Variants in ARHGEF17 observed in about 807,000 individuals in gnomAD.
ARHGEF17 encodes 164 kDa Rho-specific guanine-nucleotide exchange factor.
ARHGEF17 carries 80 observed loss-of-function variants against 174.0 expected under a neutral mutation model. The ratio of observed to expected loss-of-function variants is 0.46; its 90% CI spans 0.38 to 0.55. The LOEUF is 0.55. Among genes scored for constraint, ARHGEF17 ranks in the 20% least tolerant of loss-of-function variants. ARHGEF17 has a pLI of 0.00. For missense variants in ARHGEF17, 2,886 were observed against 2,839.7 expected, an observed-to-expected ratio of 1.02 and a Z score of -0.37; for synonymous variants, 1,311 against 1,189.1, an observed-to-expected ratio of 1.10 and a Z score of -2.11.
Position 73,309,264 on chromosome 11 carries a change from G to A in ARHGEF17, c.626G>A (p.Arg209His). 6.2e-7 allele frequency: 1 copy of A among 1,610,334 alleles called. No individual in the cohort carries two copies. Among genetic ancestry groups the A allele is most frequent in the Non-Finnish European group, 8.5e-7 (1 of 1,178,760 alleles). The change falls in exon 1 of 21, where the codon CGT becomes CAT. Residue 209 changes from arginine (R) to histidine (H), a missense_variant. Physicochemically the swap from Arg to His is conservative, Grantham distance 29 (BLOSUM62 0). Around this residue, in one of 4 missense-constraint regions of ARHGEF17, gnomAD observed 1,728 missense variants for 1,461.2 expected, o/e 1.18. Transcript: ENST00000263674. ...RPQQQQERAQRPADGLHSWHI... is the reference protein window; with the variant it reads ...RPQQQQERAQHPADGLHSWHI... ...CAGCAGCAACAGGAGCGGGCGCAGC[G>A]TCCAGCGGATGGTTTACATTCTTGG...
In ARHGEF17 at chr11:73,363,220, A is replaced by C; in HGVS notation, c.5011A>C (p.Ser1671Arg). The change falls in exon 15 of 21, where the codon AGT becomes CGT. Residue 1671 changes from serine (S) to arginine (R), a missense_variant. This residue lies in a region of ARHGEF17 where 476 missense variants were observed against 473.1 expected (regional missense o/e 1.01). Transcript: ENST00000263674. Reference protein sequence around the residue: ...SSSFGNEETPSSKEATAETTS... With the variant: ...SSSFGNEETPRSKEATAETTS... Reference sequence around the variant, plus strand: ...GTCTCCCTCAGATGAGGAGACCCCGAGTTCCAAGGAGGCCACGGCAGAGAC... The same window carrying C: ...GTCTCCCTCAGATGAGGAGACCCCGCGTTCCAAGGAGGCCACGGCAGAGAC... 6.4e-7 allele frequency: 1 copy of C among 1,572,190 alleles called. No individual in the cohort carries two copies. Among genetic ancestry groups the C allele is most frequent in the Non-Finnish European group, 8.6e-7 (1 of 1,156,438 alleles).
intron 1 of ARHGEF17, among the ~76,000 whole-genome samples, chr11:73,327,528 G>C (rs1865121450): frequency 6.6e-6 from 1 of 152,256 alleles, no homozygotes; most frequent in Non-Finnish European, 1.5e-5. Flanking sequence ...AGACCAGCCT[G>C]CCTGGTCCAC....
At chr11:73,322,401 C>T (rs982166547) in intron 1 of ARHGEF17, among the ~76,000 whole-genome samples, 5 of 152,216 alleles carry the variant, frequency 3.3e-5, no homozygotes, top group African/African-American at 1.2e-4. Context: ...CTTCCTCACC[C>T]CTGCATCATT....
At chr11:73,318,505 C>T (rs796246550) in intron 1 of ARHGEF17, among the ~76,000 whole-genome samples, 12 of 152,270 alleles carry the variant, frequency 7.9e-5, no homozygotes, top group African/African-American at 2.9e-4. Flanking sequence ...GTGGCACAGA[C>T]CTGTGGTCCC....
intron 13 of ARHGEF17, 79 bp downstream of exon 13, chr11:73,362,318 C>A (rs1865755872): frequency 2.8e-6 from 4 of 1,446,852 alleles, no homozygotes; most frequent in Non-Finnish European, 2.7e-6. Flanking sequence ...CTCAGGCCGC[C>A]CCGGCGTGGT....
chr11:73,321,248 G>C (rs1865012765), intron 1 of ARHGEF17, among the ~76,000 whole-genome samples: 1 of 148,706 alleles, frequency 6.7e-6, no homozygotes, highest in Non-Finnish European at 1.5e-5. Flanking sequence ...CATGCCCACT[G>C]TCCTTGCTCC....
intron 1 of ARHGEF17, among the ~76,000 whole-genome samples, chr11:73,322,865 A>C (rs999195970): frequency 1.3e-5 from 2 of 152,134 alleles, no homozygotes; most frequent in Non-Finnish European, 2.9e-5. Context: ...GGGTGCGGGA[A>C]CATGAGTAGC....
At chr11:73,356,511 T>C in intron 6 of ARHGEF17, 160 bp downstream of exon 6, 2 of 1,121,602 alleles carry the variant, frequency 1.8e-6, no homozygotes, top group South Asian at 1.5e-5. Context: ...TGGCCACACG[T>C]CTCCACCTGT....
chr11:73,311,861 G>A (rs1358278733), intron 1 of ARHGEF17, 31 bp downstream of exon 1: 1 of 1,562,096 alleles, frequency 6.4e-7, no homozygotes, highest in Non-Finnish European at 8.7e-7. Flanking sequence ...TTCAGATTGG[G>A]GCCAAAGAAG....
chr11:73,321,789 C>T lies in ARHGEF17; in HGVS notation c.3192+9959C>T, dbSNP rs79782057. The stretch of plus-strand genomic sequence containing the variant: ...TGAGATTGTGACTTCTTGGTTCTGA[C>T]ATCCTGTGATCCTGAGACTCTGGGG... On this transcript the variant is annotated intron_variant, in intron 1 of 20. Transcript: ENST00000263674. 8.5e-3 allele frequency among the ~76,000 whole-genome samples: 1,294 copies of T among 152,322 alleles called. 48 individuals are homozygous for T. The East Asian group carries it at 0.13, about 15-fold the overall frequency.
At chr11:73,332,350 C>CGTGTGTGTGTGTGTGTGTGTGTGT (rs58725771) in intron 1 of ARHGEF17, among the ~76,000 whole-genome samples, 1 of 120,658 alleles carries the variant, frequency 8.3e-6, no homozygotes, top group Non-Finnish European at 1.7e-5. Context: ...GCTTTTTCTC[C>CGTGTGTGTGTGTGTGTGTGTGTGT]GTGTGTGTGT....
In ARHGEF17 at chr11:73,335,737, C is replaced by T. The variant is rs377309926; in HGVS notation, c.3193-11146C>T. Among the ~76,000 whole-genome samples, 4 of 152,160 alleles carry T rather than the reference C, an allele frequency of 2.6e-5. No homozygotes were observed. In the East Asian group the frequency reaches 7.7e-4, roughly 29 times the overall value. The stretch of plus-strand genomic sequence containing the variant: ...CCTGAAATCAGGAAGGAAGGTCAAG[C>T]TGTCCATCCTCCACCTCTGAGCATG... On this transcript the variant is annotated intron_variant, in intron 1 of 20. Coordinates refer to ENST00000263674, the MANE Select transcript of ARHGEF17 (RefSeq NM_014786.4).
At position 73,309,812 on chromosome 11, in the gene ARHGEF17, C is replaced by G; in HGVS notation, c.1174C>G (p.Arg392Gly). The G allele has an allele frequency of 1.2e-6, 2 of 1,613,146 alleles. No homozygotes were observed. The highest frequency in any genetic ancestry group is 1.7e-6 in the Non-Finnish European group (2 of 1,180,008). ...ASPAGSRGSSRYSSTETLKDD... is the reference protein window; with the variant it reads ...ASPAGSRGSSGYSSTETLKDD... ...CCCCGCAGGCTCCCGCGGTAGCAGCCGTTATTCCAGCACGGAGACCCTCAA... is the reference window on the plus strand; with the variant it reads ...CCCCGCAGGCTCCCGCGGTAGCAGCGGTTATTCCAGCACGGAGACCCTCAA... The change falls in exon 1 of 21, where the codon CGT becomes GGT. Residue 392 changes from arginine (R) to glycine (G), a missense_variant. Physicochemically the swap from Arg to Gly is moderately radical, Grantham distance 125 (BLOSUM62 -2). Transcript: ENST00000263674.
intron 2 of ARHGEF17, among the ~76,000 whole-genome samples, chr11:73,351,336 A>G (rs1465882429): frequency 1.3e-5 from 2 of 148,964 alleles, no homozygotes; most frequent in African/African-American, 5.1e-5. Context: ...TGTTTTTTTT[A>G]GCCTGCAGTT....
Position 73,310,576 on chromosome 11 carries a change from AGGCATTGG to A in ARHGEF17, c.1943_1950del (p.Ile648ArgfsTer3). The A allele has an allele frequency of 6.2e-7, 1 of 1,614,110 alleles. No homozygotes were observed. Among genetic ancestry groups the A allele is most frequent in the Non-Finnish European group, 8.5e-7 (1 of 1,180,010 alleles). Reference sequence around the variant, plus strand: ...GCCCTGAGTCCAGTCTGACAGATGAAGGCATTGGGGCAGACCCTGAGCCTCCTGTTGCA... The same window carrying A: ...GCCCTGAGTCCAGTCTGACAGATGAAGGCAGACCCTGAGCCTCCTGTTGCA... On this transcript the variant is annotated frameshift_variant, in exon 1 of 21. Transcript: ENST00000263674. LOFTEE classifies it high-confidence loss of function.
In ARHGEF17 at chr11:73,308,769, G is replaced by A. The variant is rs774469941; in HGVS notation, c.131G>A (p.Cys44Tyr). The A allele has an allele frequency of 3.7e-3, 5,396 of 1,449,296 alleles. 17 individuals carry two copies. Among genetic ancestry groups the A allele is most frequent in the Middle Eastern group, 0.019 (84 of 4,444 alleles). The allele number at this position is 1,449,296 out of a possible 1,614,324, so 89.8% of individuals were successfully genotyped here. The change falls in exon 1 of 21, where the codon TGC (cysteine) becomes TAC (tyrosine). Residue 44 changes from cysteine to tyrosine, a missense_variant. Around this residue, in one of 4 missense-constraint regions of ARHGEF17, gnomAD observed 1,728 missense variants for 1,461.2 expected, o/e 1.18. Transcript: ENST00000263674. Reference sequence around the variant, plus strand: ...CCCGGCTTGAGGCGACGCGCCTCGTGCCGGCCGACCACGGCTGCCCGGGGC... The same window carrying A: ...CCCGGCTTGAGGCGACGCGCCTCGTACCGGCCGACCACGGCTGCCCGGGGC... The part of the protein sequence containing the change: ...DTPGLRRRAS[C>Y]RPTTAARGQP...
chr11:73,326,671 G>T (rs1295082761), intron 1 of ARHGEF17, among the ~76,000 whole-genome samples: 1 of 152,272 alleles, frequency 6.6e-6, no homozygotes, highest in African/African-American at 2.4e-5. Context: ...AGTGCACCGA[G>T]ATTGCACATT....
In ARHGEF17 at chr11:73,358,894, C is replaced by T. The variant is rs1371089298; in HGVS notation, c.4088-940C>T. On this transcript the variant is annotated intron_variant, in intron 9 of 20. Coordinates refer to ENST00000263674, the MANE Select transcript of ARHGEF17 (RefSeq NM_014786.4). Reference sequence around the variant, plus strand: ...GGCAGGAAACTCCACTGCCATCCACCGGGCACACACTCTTCTTCCCGTAGA... The same window carrying T: ...GGCAGGAAACTCCACTGCCATCCACTGGGCACACACTCTTCTTCCCGTAGA... 3.9e-5 allele frequency among the ~76,000 whole-genome samples: 6 copies of T among 152,166 alleles called. 1 individual carries two copies. Among genetic ancestry groups the T allele is most frequent in the Non-Finnish European group, 5.9e-5 (4 of 68,018 alleles).
intron 1 of ARHGEF17, among the ~76,000 whole-genome samples, chr11:73,321,268 C>CTCT (rs5792614): frequency 0.31 from 46,693 of 151,910 alleles, 9,418 homozygotes; most frequent in African/African-American, 0.58. Context: ...CACTCACCAG[C>CTCT]TCTTCTCCTT....
Sources: gnomAD v4.1 joint callset for allele counts (sites outside exome capture counted in the v4.1 genomes callset) on GRCh38, gnomAD v4.1.1 for gene constraint, gnomAD v4.1.1 regional missense constraint, MANE v1.5 for transcripts, NCBI Gene and HGNC (gene_info 2026-07-23, HGNC 2026-07-21) for gene names.